The following WLS variants were observed in gnomAD, a reference collection of about 807,000 sequenced individuals.
WLS encodes the protein protein wntless homolog.
WLS carries 23 observed loss-of-function variants against 62.8 expected under a neutral mutation model. The observed-to-expected ratio is 0.37, with a 90% CI of 0.26 to 0.52. The LOEUF is 0.52. Among genes scored for constraint, WLS ranks in the 20% least tolerant of loss-of-function variants. WLS has a pLI of 0.92. For synonymous variants in WLS, 246 were observed against 244.1 expected (o/e 1.01, Z -0.07); for missense variants, 615 against 697.3 (o/e 0.88, Z 1.33).
At chr1:68,181,478 G>T (rs907538965) in intron 2 of WLS, among the ~76,000 whole-genome samples, 2 of 152,186 alleles carry the variant, frequency 1.3e-5, no homozygotes, top group Non-Finnish European at 2.9e-5. Context: ...CTACCACCTA[G>T]TCTAGATTCT....
At chr1:68,110,854 TAA>T (rs944713499) in intron 11 of WLS, among the ~76,000 whole-genome samples, 2 of 152,052 alleles carry the variant, frequency 1.3e-5, no homozygotes, top group African/African-American at 4.8e-5. Context: ...GGAAAAAAAT[TAA>T]AGAGGCTCCT....
At chr1:68,139,185 T>C (rs1646652705) in intron 10 of WLS, among the ~76,000 whole-genome samples, 1 of 152,226 alleles carries the variant, frequency 6.6e-6, no homozygotes, top group Non-Finnish European at 1.5e-5. Flanking sequence ...TGAACTCTTA[T>C]TTATTTTGGA....
At chr1:68,165,234 C>A (rs1387197064) in intron 2 of WLS, among the ~76,000 whole-genome samples, 1 of 152,130 alleles carries the variant, frequency 6.6e-6, no homozygotes, top group Admixed American at 6.5e-5. Flanking sequence ...GGGTTCAGAG[C>A]AACACTAGCC....
intron 11 of WLS, among the ~76,000 whole-genome samples, chr1:68,113,000 C>A (rs771171271): frequency 6.6e-6 from 1 of 152,214 alleles, no homozygotes; most frequent in African/African-American, 2.4e-5. Context: ...TAGCTGCCCA[C>A]GAACTTGGCT....
downstream of WLS, among the ~76,000 whole-genome samples, chr1:68,125,106 A>C (rs1014866970): frequency 8.5e-4 from 129 of 152,216 alleles, no homozygotes; most frequent in Admixed American, 8.4e-3. Flanking sequence ...AAGTCTGAAT[A>C]GGGCAGAGGA....
At chr1:68,123,876 C>T (rs1646392723), downstream of WLS, among the ~76,000 whole-genome samples, 1 of 152,276 alleles carries the variant, frequency 6.6e-6, no homozygotes, top group Non-Finnish European at 1.5e-5. Flanking sequence ...TGCCCCACTT[C>T]CCATCTTCCT....
In WLS at chr1:68,126,352, G is replaced by C. The variant is rs555297533; in HGVS notation, c.1517-17C>G. On this transcript the variant is annotated splice_polypyrimidine_tract_variant and intron_variant, in intron 11 of 11. Coordinates refer to ENST00000262348, the MANE Select transcript of WLS (RefSeq NM_024911.7). ...CCAGATCGCCTGAAACAGGGTTTTC[G>C]GTGTTAGATGCATTCAAGGAGGAAG... 1.2e-6 allele frequency: 2 copies of C among 1,613,634 alleles called. No individual in the cohort carries two copies. Among genetic ancestry groups the C allele is most frequent in the African/African-American group, 2.7e-5 (2 of 74,878 alleles).
At chr1:68,206,698 T>C (rs1649295275) in intron 1 of WLS, among the ~76,000 whole-genome samples, 1 of 152,202 alleles carries the variant, frequency 6.6e-6, no homozygotes, top group Non-Finnish European at 1.5e-5. Context: ...GTTCTAGCAA[T>C]GGATATGCAT....
chr1:68,132,571 A>G (rs1646542767), intron 11 of WLS, among the ~76,000 whole-genome samples: 1 of 152,208 alleles, frequency 6.6e-6, no homozygotes, highest in Non-Finnish European at 1.5e-5. Context: ...CACTGTAGCT[A>G]GCTGCCAAGA....
intron 2 of WLS, chr1:68,162,199 C>G: frequency 1.4e-6 from 2 of 1,438,704 alleles, no homozygotes; most frequent in South Asian, 1.1e-5. Context: ...CTCCGACTCA[C>G]GCACATAGAG....
chr1:68,186,194 T>G (rs780598417), intron 2 of WLS, among the ~76,000 whole-genome samples: 2 of 152,200 alleles, frequency 1.3e-5, no homozygotes, highest in Non-Finnish European at 2.9e-5. Context: ...AATGGCCAGC[T>G]TCTATAGTGT....
intron 2 of WLS, chr1:68,183,426 C>G: frequency 8.7e-6 from 3 of 346,320 alleles, no homozygotes; most frequent in South Asian, 7.4e-5. Flanking sequence ...TCCATCATAG[C>G]AGGGATAGTT....
chr1:68,159,276 A>G (rs1646940764), intron 2 of WLS, 29 bp from the exon 3 acceptor site: 1 of 1,603,218 alleles, frequency 6.2e-7, no homozygotes, highest in Non-Finnish European at 8.5e-7. Context: ...ACGTTTCAGA[A>G]ATGACTTTTG....
In WLS at chr1:68,231,870, G is replaced by GGGC. The variant is rs778067411; in HGVS notation, c.106+321_106+323dup. 2.6e-5 allele frequency: 6 copies of GGGC among 233,066 alleles called. 1 individual carries two copies. Among genetic ancestry groups the GGGC allele is most frequent in the African/African-American group, 1.6e-4 (4 of 24,548 alleles). 14.4% of individuals were successfully genotyped at this position (233,066 alleles called of 1,614,324 possible). A position where few individuals can be genotyped will look rare whatever the true frequency, so the allele number is the denominator to read the frequency against. ...CGCGGGAAAAAGCGGGGGGGGGGGGGGGCGAGCAATCAACTTTGTAACCCA... is the reference window on the plus strand; with the variant it reads ...CGCGGGAAAAAGCGGGGGGGGGGGGGGGCGGCGAGCAATCAACTTTGTAACCCA... On this transcript the variant is annotated intron_variant, in intron 1 of 11. Coordinates refer to ENST00000262348, the MANE Select transcript of WLS (RefSeq NM_024911.7).
intron 8 of WLS, among the ~76,000 whole-genome samples, chr1:68,147,437 C>T (rs543812839): frequency 3.3e-5 from 5 of 152,276 alleles, no homozygotes; most frequent in East Asian, 1.9e-4. Flanking sequence ...TTCCCTAGCA[C>T]GTGGCAAGAT....
Position 68,153,601 on chromosome 1 carries a change from A to G in WLS, c.719T>C (p.Phe240Ser). ...FTKVWFAMKTFLTPSIFIIMV... is the reference protein window; with the variant it reads ...FTKVWFAMKTSLTPSIFIIMV... ...AATGATGAAGATGCTGGGCGTAAGGAAGGTCTTCATGGCAAACCACACCTT... is the reference window on the plus strand; with the variant it reads ...AATGATGAAGATGCTGGGCGTAAGGGAGGTCTTCATGGCAAACCACACCTT... Residue 240 changes from phenylalanine to serine, a missense_variant, in exon 5 of 12, where the codon TTC (phenylalanine) becomes TCC (serine). By Grantham distance (155) the Phe-to-Ser change is radical (BLOSUM62 -2). Coordinates refer to ENST00000262348, the MANE Select transcript of WLS (RefSeq NM_024911.7). 1 of 1,614,226 alleles carries G rather than the reference A, an allele frequency of 6.2e-7. No homozygotes were observed.
At chr1:68,196,210 G>A (rs971758672) in intron 1 of WLS, among the ~76,000 whole-genome samples, 41 of 151,650 alleles carry the variant, frequency 2.7e-4, no homozygotes, top group African/African-American at 8.4e-4. Flanking sequence ...CTTCCCCAGC[G>A]TTTAGTTTTC....
At chr1:68,154,981 C>T (rs1646876103) in intron 4 of WLS, 118 bp downstream of exon 4, 3 of 1,088,770 alleles carry the variant, frequency 2.8e-6, no homozygotes, top group South Asian at 3.3e-5. Flanking sequence ...TGATCTCAGC[C>T]ATCATGAGTA....
At chr1:68,154,750 C>T (rs528698343) in intron 4 of WLS, among the ~76,000 whole-genome samples, 79 of 152,286 alleles carry the variant, frequency 5.2e-4, no homozygotes, top group African/African-American at 1.9e-3. Flanking sequence ...ACCTAAACCA[C>T]CCCTATTCCT....
Sources: gnomAD v4.1 joint callset for allele counts (sites outside exome capture counted in the v4.1 genomes callset) on GRCh38, gnomAD v4.1.1 for gene constraint, MANE v1.5 for transcripts, NCBI Gene and HGNC (gene_info 2026-07-23, HGNC 2026-07-21) for gene names.